PFDN1: variants seen among roughly 807,000 people sequenced by gnomAD.
PFDN1 encodes the protein prefoldin subunit 1, also known as prefoldin 1.
In PFDN1, 6 loss-of-function variants were observed where a neutral mutation model predicts 17.3. That is an observed-to-expected ratio of 0.35 (90% CI 0.19 to 0.69). The LOEUF (loss-of-function observed/expected upper bound fraction) is 0.69, where lower values mean the gene tolerates loss of function less well. Among genes scored for constraint, PFDN1 ranks in the 30% least tolerant of loss-of-function variants. The pLI, the probability that PFDN1 is intolerant of heterozygous loss-of-function variation, is 0.65. For synonymous variants in PFDN1, 58 were observed against 50.1 expected (o/e 1.16, Z -0.67); for missense variants, 113 against 146.2 (o/e 0.77, Z 1.17).
intron 3 of PFDN1, among the ~76,000 whole-genome samples, chr5:140,247,564 T>C (rs547606848): frequency 6.6e-6 from 1 of 152,202 alleles, no homozygotes; most frequent in Non-Finnish European, 1.5e-5. Flanking sequence ...CAAATTTCCT[T>C]AAGGCTAGAA....
intron 3 of PFDN1, among the ~76,000 whole-genome samples, chr5:140,250,753 A>G (rs1159659555): frequency 2.0e-5 from 3 of 152,226 alleles, no homozygotes; most frequent in African/African-American, 7.2e-5. Context: ...GCCCAACAGA[A>G]GAAGCAAAGG....
At chr5:140,285,822 A>G (rs575031568) in intron 2 of PFDN1, among the ~76,000 whole-genome samples, 66 of 152,064 alleles carry the variant, frequency 4.3e-4, no homozygotes, top group Non-Finnish European at 8.5e-4. Context: ...TGGCACAGAA[A>G]TAGGATACAA....
Position 140,303,066 on chromosome 5 carries a change from G to T in PFDN1, c.8C>A (p.Ala3Asp), listed in dbSNP as rs1273971113. 4.3e-6 allele frequency: 7 copies of T among 1,612,936 alleles called. No individual in the cohort carries two copies. Among genetic ancestry groups the T allele is most frequent in the Non-Finnish European group, 4.2e-6 (5 of 1,178,938 alleles). The change falls in exon 1 of 4, where the codon GCC (alanine) becomes GAC (aspartate). Residue 3 changes from alanine (A) to aspartate (D), a missense_variant. By Grantham distance (126) the Ala-to-Asp change is moderately radical. Coordinates refer to ENST00000261813, the MANE Select transcript of PFDN1 (RefSeq NM_002622.5). ...CTTCTTCAGCTCTAGATCCACGGGGGCGGCCATCTTGGTGCACTGTAAGCG... is the reference window on the plus strand; with the variant it reads ...CTTCTTCAGCTCTAGATCCACGGGGTCGGCCATCTTGGTGCACTGTAAGCG... MA[A>D]PVDLELKKAF...
chr5:140,248,351 G>A (rs776024094), intron 3 of PFDN1, among the ~76,000 whole-genome samples: 1 of 152,142 alleles, frequency 6.6e-6, no homozygotes, highest in East Asian at 1.9e-4. Context: ...ACAGGGGTGA[G>A]CCACCGTGCC....
intron 3 of PFDN1, among the ~76,000 whole-genome samples, chr5:140,261,147 G>A (rs1253749766): frequency 7.9e-6 from 1 of 127,010 alleles, no homozygotes; most frequent in Non-Finnish European, 1.6e-5. Flanking sequence ...GGATGACACA[G>A]TAAGACTCCA....
chr5:140,270,641 A>AGAT (rs1765192662), intron 3 of PFDN1, among the ~76,000 whole-genome samples: 1 of 152,008 alleles, frequency 6.6e-6, no homozygotes, highest in African/African-American at 2.4e-5. Flanking sequence ...GAACCAATCT[A>AGAT]TGGGCCAGGC....
intron 2 of PFDN1, among the ~76,000 whole-genome samples, chr5:140,285,555 T>A (rs575988204): frequency 1.5e-4 from 23 of 152,162 alleles, no homozygotes; most frequent in African/African-American, 5.3e-4. Context: ...TTATGGCACA[T>A]CCACATTGTG....
Position 140,278,230 on chromosome 5 carries a change from T to A in PFDN1, c.285+3219A>T, listed in dbSNP as rs370307942. On this transcript the variant is annotated intron_variant, in intron 3 of 3. Coordinates refer to ENST00000261813, the MANE Select transcript of PFDN1 (RefSeq NM_002622.5). Reference sequence around the variant, plus strand: ...CTCAAAACAATAAAAAATAAATAAATATAAACAGAAGAGCTGAGAAATTCC... The same window carrying A: ...CTCAAAACAATAAAAAATAAATAAAAATAAACAGAAGAGCTGAGAAATTCC... 3.2e-3 allele frequency among the ~76,000 whole-genome samples: 471 copies of A among 149,384 alleles called. 1 individual carries two copies. The highest frequency in any genetic ancestry group is 0.015 in the Middle Eastern group (4 of 266).
chr5:140,283,499 C>G (rs1765442137), intron 2 of PFDN1, among the ~76,000 whole-genome samples: 1 of 152,188 alleles, frequency 6.6e-6, no homozygotes, highest in Non-Finnish European at 1.5e-5. Context: ...TCCCAAAGTG[C>G]TGGGATTACA....
intron 2 of PFDN1, among the ~76,000 whole-genome samples, chr5:140,294,018 G>C (rs1765617169): frequency 6.6e-6 from 1 of 151,804 alleles, no homozygotes; most frequent in Non-Finnish European, 1.5e-5. Context: ...TGAACACCAA[G>C]AACTTCTCTT....
At chr5:140,268,611 C>A (rs951244596) in intron 3 of PFDN1, among the ~76,000 whole-genome samples, 1 of 152,158 alleles carries the variant, frequency 6.6e-6, no homozygotes, top group Non-Finnish European at 1.5e-5. Flanking sequence ...CACCACTGCA[C>A]TCCAGCCTGG....
intron 3 of PFDN1, among the ~76,000 whole-genome samples, chr5:140,268,591 G>C (rs1244386936): frequency 6.6e-6 from 1 of 152,116 alleles, no homozygotes; most frequent in Non-Finnish European, 1.5e-5. Flanking sequence ...GCTGCAGTGA[G>C]CCAAGAATGC....
chr5:140,279,496 G>T (rs540300958), intron 3 of PFDN1, among the ~76,000 whole-genome samples: 1 of 151,576 alleles, frequency 6.6e-6, no homozygotes, highest in Non-Finnish European at 1.5e-5. Flanking sequence ...GATAATTGGG[G>T]TTTTTGTGTT....
intron 3 of PFDN1, among the ~76,000 whole-genome samples, chr5:140,273,565 C>T (rs1325328245): frequency 2.0e-5 from 3 of 152,308 alleles, no homozygotes; most frequent in Middle Eastern, 3.4e-3. Context: ...GTTCTCTCGC[C>T]GCCATTCTTC....
intron 1 of PFDN1, among the ~76,000 whole-genome samples, chr5:140,301,071 G>A (rs921647740): frequency 9.9e-5 from 15 of 152,088 alleles, no homozygotes; most frequent in African/African-American, 3.6e-4. Flanking sequence ...GTTAGCATTG[G>A]CAGTCTCATC....
chr5:140,253,931 G>A lies in PFDN1; in HGVS notation c.286-7874C>T, dbSNP rs144012331. Among the ~76,000 whole-genome samples, 57 of 152,280 alleles carry A rather than the reference G, an allele frequency of 3.7e-4. 1 individual carries two copies. Among genetic ancestry groups the A allele is most frequent in the African/African-American group, 1.3e-3 (53 of 41,558 alleles). ...AGACCAACTGAACCAGAAACCCTGG[G>A]GATGGACTACAGCAATCTGTGTTTT... On this transcript the variant is annotated intron_variant, in intron 3 of 3. Coordinates refer to ENST00000261813, the MANE Select transcript of PFDN1 (RefSeq NM_002622.5).
intron 3 of PFDN1, among the ~76,000 whole-genome samples, chr5:140,260,884 G>A (rs897467531): frequency 4.0e-5 from 6 of 151,824 alleles, no homozygotes; most frequent in Admixed American, 3.3e-4. Flanking sequence ...GACACGGGCC[G>A]GGCACAATGG....
At chr5:140,292,604 T>C (rs1581098305) in intron 2 of PFDN1, among the ~76,000 whole-genome samples, 1 of 152,160 alleles carries the variant, frequency 6.6e-6, no homozygotes, top group East Asian at 1.9e-4. Context: ...ATGTAGTTCA[T>C]TTCAAGACAA....
intron 3 of PFDN1, among the ~76,000 whole-genome samples, chr5:140,258,046 A>G (rs1167155035): frequency 6.6e-6 from 1 of 152,208 alleles, no homozygotes; most frequent in Non-Finnish European, 1.5e-5. Flanking sequence ...AGACTGAAGC[A>G]CAGAGACAGA....
Sources: gnomAD v4.1 joint callset for allele counts (sites outside exome capture counted in the v4.1 genomes callset) on GRCh38, gnomAD v4.1.1 for gene constraint, MANE v1.5 for transcripts, NCBI Gene and HGNC (gene_info 2026-07-23, HGNC 2026-07-21) for gene names.